UMAD1: variants seen among roughly 807,000 people sequenced by gnomAD.
UMAD1 encodes UBAP1-MVB12-associated (UMA) domain containing 1, also known as UBAP1-MVB12-associated (UMA)-domain containing protein 1.
UMAD1 carries 8 observed loss-of-function variants against 6.1 expected under a neutral mutation model. That is an observed-to-expected ratio of 1.30 (90% CI 0.76 to 2.35). UMAD1 has a LOEUF of 2.35. Among genes scored for constraint, UMAD1 ranks in the 30% most tolerant of loss-of-function variants. The probability of loss-of-function intolerance (pLI) is 0.00; values close to 1 mark genes in which losing one functional copy is unlikely to be tolerated. For missense variants in UMAD1, 130 were observed against 78.4 expected (o/e 1.66, Z -2.49); for synonymous variants, 56 against 31.4 (o/e 1.78, Z -2.61).
At chr7:7,871,727 C>G (rs1784336206) in intron 3 of UMAD1, among the ~76,000 whole-genome samples, 1 of 151,860 alleles carries the variant, frequency 6.6e-6, no homozygotes, top group Non-Finnish European at 1.5e-5. Flanking sequence ...GGTCAGATGG[C>G]AGTTTTATCA....
intron 3 of UMAD1, among the ~76,000 whole-genome samples, chr7:7,822,511 G>A (rs1478016923): frequency 6.6e-6 from 1 of 151,996 alleles, no homozygotes; most frequent in South Asian, 2.1e-4. Flanking sequence ...ATGAATAAGG[G>A]CTCTTTTTCT....
chr7:7,859,733 A>G (rs899468748), intron 3 of UMAD1, among the ~76,000 whole-genome samples: 18 of 152,202 alleles, frequency 1.2e-4, no homozygotes, highest in Admixed American at 8.5e-4. Context: ...CTTGACGTAC[A>G]AGTAACAGAA....
chr7:7,825,099 G>A (rs549480993), intron 3 of UMAD1, among the ~76,000 whole-genome samples: 137 of 152,178 alleles, frequency 9.0e-4, no homozygotes, highest in Middle Eastern at 3.4e-3. Context: ...TGACCTCTAA[G>A]GCTGCCTGTC....
intron 2 of UMAD1, among the ~76,000 whole-genome samples, chr7:7,673,674 C>G (rs11763947): frequency 0.058 from 8,712 of 150,968 alleles, 329 homozygotes; most frequent in Middle Eastern, 0.13. Context: ...GCTGTGTTCT[C>G]CAAGTTAAAT....
chr7:7,822,121 AG>A (rs1241994927), intron 3 of UMAD1, among the ~76,000 whole-genome samples: 2 of 152,054 alleles, frequency 1.3e-5, no homozygotes, highest in African/African-American at 2.4e-5. Context: ...TCTCTTTTCC[AG>A]GGGGGTTTAG....
At chr7:7,797,528 A>G (rs1782710429) in intron 2 of UMAD1, among the ~76,000 whole-genome samples, 1 of 152,124 alleles carries the variant, frequency 6.6e-6, no homozygotes, top group East Asian at 1.9e-4. Context: ...TTCTTCTCCC[A>G]TCACTGGAAA....
intron 2 of UMAD1, among the ~76,000 whole-genome samples, chr7:7,688,127 T>C (rs1780082504): frequency 1.3e-5 from 2 of 152,226 alleles, no homozygotes; most frequent in South Asian, 4.1e-4. Flanking sequence ...TGTAAAATTT[T>C]AGGTTTGTAT....
At chr7:7,847,153 A>C (rs1475866045) in intron 3 of UMAD1, among the ~76,000 whole-genome samples, 2 of 107,612 alleles carry the variant, frequency 1.9e-5, no homozygotes, top group Non-Finnish European at 3.6e-5. Context: ...ATATATATAT[A>C]TTTGATCATA....
chr7:7,746,024 C>T (rs1288659537), intron 2 of UMAD1, among the ~76,000 whole-genome samples: 3 of 152,192 alleles, frequency 2.0e-5, no homozygotes, highest in African/African-American at 7.2e-5. Context: ...GCATGTGGCA[C>T]CACACTCAGC....
intron 3 of UMAD1, among the ~76,000 whole-genome samples, chr7:7,850,621 T>C (rs923615000): frequency 7.2e-5 from 11 of 152,244 alleles, no homozygotes; most frequent in Admixed American, 6.5e-4. Flanking sequence ...TTTTAATTAT[T>C]TCTGGTATAT....
intron 1 of UMAD1, among the ~76,000 whole-genome samples, chr7:7,650,457 T>C (rs1029769430): frequency 1.3e-5 from 2 of 152,214 alleles, no homozygotes; most frequent in Non-Finnish European, 1.5e-5. Flanking sequence ...TCTTGTAATG[T>C]CTGCTTTGTT....
At chr7:7,713,996 G>GC (rs1780829925) in intron 2 of UMAD1, among the ~76,000 whole-genome samples, 1 of 152,040 alleles carries the variant, frequency 6.6e-6, no homozygotes, top group Admixed American at 6.6e-5. Context: ...CACCACACCT[G>GC]CCCCACACGT....
At chr7:7,806,053 GC>G (rs1782907371) in intron 3 of UMAD1, among the ~76,000 whole-genome samples, 1 of 152,048 alleles carries the variant, frequency 6.6e-6, no homozygotes, top group Non-Finnish European at 1.5e-5. Context: ...CAGGTTAAAG[GC>G]CTAAATGTCA....
intron 2 of UMAD1, among the ~76,000 whole-genome samples, chr7:7,738,310 A>G (rs534136835): frequency 8.5e-5 from 13 of 152,344 alleles, no homozygotes; most frequent in Admixed American, 2.0e-4. Context: ...CTATGCCCTT[A>G]GTGCCAAAAC....
chr7:7,800,140 C>T (rs1337496202), intron 2 of UMAD1, among the ~76,000 whole-genome samples: 1 of 152,256 alleles, frequency 6.6e-6, no homozygotes, highest in Non-Finnish European at 1.5e-5. Context: ...ACCTTGGCCT[C>T]CCAAAGTGGT....
chr7:7,789,623 C>CA (rs112711017), intron 2 of UMAD1, among the ~76,000 whole-genome samples: 53,538 of 145,306 alleles, frequency 0.37, 9,526 homozygotes, highest in South Asian at 0.45. Flanking sequence ...CCCTTCTCCC[C>CA]TCCCCACAGA....
At chr7:7,871,507 A>T (rs1418770731) in intron 3 of UMAD1, among the ~76,000 whole-genome samples, 2 of 152,234 alleles carry the variant, frequency 1.3e-5, no homozygotes, top group African/African-American at 4.8e-5. Flanking sequence ...TAATAGGAGC[A>T]CATACCCTTA....
chr7:7,648,807 C>T (rs1453891419), intron 1 of UMAD1, among the ~76,000 whole-genome samples: 4 of 151,038 alleles, frequency 2.6e-5, no homozygotes, highest in Non-Finnish European at 4.4e-5. Context: ...GAGCTAAGAT[C>T]GTGTCACTGT....
intron 2 of UMAD1, among the ~76,000 whole-genome samples, chr7:7,696,507 G>C (rs1307809387): frequency 6.6e-6 from 1 of 152,160 alleles, no homozygotes; most frequent in Non-Finnish European, 1.5e-5. Context: ...TATGAATTTA[G>C]TTAGTAAAAT....
Sources: gnomAD v4.1 joint callset for allele counts (sites outside exome capture counted in the v4.1 genomes callset) on GRCh38, gnomAD v4.1.1 for gene constraint, MANE v1.5 for transcripts, NCBI Gene and HGNC (gene_info 2026-07-23, HGNC 2026-07-21) for gene names.